The following GALNT17 variants were observed in gnomAD, a reference collection of about 807,000 sequenced individuals.
GALNT17 encodes the protein UDP-GalNAc:polypeptide N-acetylgalactosaminyltransferase-like 3.
GALNT17 carries 29 observed loss-of-function variants against 63.7 expected under a neutral mutation model. That is an observed-to-expected ratio of 0.46 (90% confidence interval 0.34 to 0.62). GALNT17 has a LOEUF of 0.62. GALNT17 is among the 20% of genes least tolerant of loss of function. The pLI is 0.01. For missense variants in GALNT17, 603 were observed against 799.6 expected (o/e 0.75, Z 2.97); for synonymous variants, 305 against 318.3 (o/e 0.96, Z 0.45).
At chr7:71,235,003 C>T (rs1789860623) in intron 1 of GALNT17, among the ~76,000 whole-genome samples, 1 of 152,100 alleles carries the variant, frequency 6.6e-6, no homozygotes, top group African/African-American at 2.4e-5. Flanking sequence ...GTAATCCTAG[C>T]ACTTTGGGAG....
At chr7:71,224,841 T>C (rs961366238) in intron 1 of GALNT17, among the ~76,000 whole-genome samples, 4 of 152,186 alleles carry the variant, frequency 2.6e-5, no homozygotes, top group African/African-American at 9.7e-5. Flanking sequence ...GGGGTTTTGT[T>C]TGAGTTTCTG....
chr7:71,139,946 A>G (rs1452734528), intron 1 of GALNT17, among the ~76,000 whole-genome samples: 2 of 152,190 alleles, frequency 1.3e-5, no homozygotes, highest in African/African-American at 4.8e-5. Context: ...GTGAGCAGAG[A>G]TCGCGCCCCT....
At chr7:71,508,234 A>G (rs1234961569) in intron 5 of GALNT17, among the ~76,000 whole-genome samples, 1 of 152,122 alleles carries the variant, frequency 6.6e-6, no homozygotes, top group Non-Finnish European at 1.5e-5. Flanking sequence ...AATAAACGCA[A>G]CCTCCACCGT....
At chr7:71,666,378 AT>A (rs960955582) in intron 7 of GALNT17, among the ~76,000 whole-genome samples, 7 of 149,130 alleles carry the variant, frequency 4.7e-5, no homozygotes, top group Non-Finnish European at 5.9e-5. Flanking sequence ...ATTTATATAA[AT>A]TTTTTTATGG....
Position 71,712,069 on chromosome 7 carries a change from C to T in GALNT17, c.1720C>T (p.Arg574Trp), listed in dbSNP as rs146926716. The T allele has an allele frequency of 5.5e-5, 89 of 1,613,960 alleles. No individual in the cohort carries two copies. The highest frequency in any genetic ancestry group is 6.2e-5 in the Non-Finnish European group (73 of 1,180,002). ...GTGRCLEVEN[R>W]GLAGIDLILR... ...GGGACGCTGCCTGGAGGTGGAGAAC[C>T]GGGGCCTGGCTGGCATCGACCTCAT... The change falls in exon 11 of 11, where the codon CGG becomes TGG. Residue 574 changes from arginine (R) to tryptophan (W), a missense_variant. Arg to Trp is a moderately radical substitution (Grantham distance 101). Transcript: ENST00000333538.
At chr7:71,154,990 T>C (rs1283195302) in intron 1 of GALNT17, among the ~76,000 whole-genome samples, 1 of 151,920 alleles carries the variant, frequency 6.6e-6, no homozygotes, top group Non-Finnish European at 1.5e-5. Flanking sequence ...TTATATGCCA[T>C]GGGTAGACTG....
intron 2 of GALNT17, among the ~76,000 whole-genome samples, chr7:71,352,771 G>A (rs1456729600): frequency 6.6e-6 from 1 of 152,102 alleles, no homozygotes; most frequent in Non-Finnish European, 1.5e-5. Context: ...GTAGAGGAGA[G>A]AAATTCAGCA....
At chr7:71,641,091 G>C (rs10245252) in intron 6 of GALNT17, among the ~76,000 whole-genome samples, 111,623 of 152,080 alleles carry the variant, frequency 0.73, 41,098 homozygotes, top group Middle Eastern at 0.85. Context: ...TGGGATGCAA[G>C]CAGCCCAGAC....
chr7:71,569,757 T>C (rs200449196), intron 5 of GALNT17, among the ~76,000 whole-genome samples: 2 of 124,602 alleles, frequency 1.6e-5, no homozygotes, highest in East Asian at 8.1e-4. Flanking sequence ...ATGCACCACA[T>C]TTTTTTTTAA....
intron 1 of GALNT17, among the ~76,000 whole-genome samples, chr7:71,214,028 C>G (rs529733931): frequency 1.3e-5 from 2 of 152,294 alleles, no homozygotes; most frequent in South Asian, 4.1e-4. Flanking sequence ...CTTAATAGTT[C>G]TGTCTTTGAT....
At chr7:71,147,459 G>A (rs1445186464) in intron 1 of GALNT17, among the ~76,000 whole-genome samples, 1 of 152,048 alleles carries the variant, frequency 6.6e-6, no homozygotes, top group African/African-American at 2.4e-5. Context: ...TCCAAATTAA[G>A]GGTGGATCTG....
At chr7:71,325,585 C>G (rs559753417) in intron 1 of GALNT17, among the ~76,000 whole-genome samples, 1 of 152,278 alleles carries the variant, frequency 6.6e-6, no homozygotes, top group East Asian at 1.9e-4. Context: ...AAAATCATGT[C>G]CTCATTTGTA....
At chr7:71,241,257 G>A (rs1031921777) in intron 1 of GALNT17, among the ~76,000 whole-genome samples, 3 of 152,166 alleles carry the variant, frequency 2.0e-5, no homozygotes, top group Non-Finnish European at 4.4e-5. Context: ...GGGCCCTGAT[G>A]GTAGAGTTGT....
chr7:71,479,679 T>G (rs575179729), intron 5 of GALNT17, among the ~76,000 whole-genome samples: 2 of 152,174 alleles, frequency 1.3e-5, no homozygotes, highest in Non-Finnish European at 2.9e-5. Flanking sequence ...TCTAACATTA[T>G]GTTTGCAAAG....
intron 1 of GALNT17, among the ~76,000 whole-genome samples, chr7:71,259,069 C>G (rs1459028725): frequency 6.6e-6 from 1 of 152,134 alleles, no homozygotes; most frequent in Non-Finnish European, 1.5e-5. Flanking sequence ...GACCCCAAGC[C>G]TGGCACACCG....
chr7:71,540,775 A>T (rs1386930084), intron 5 of GALNT17, among the ~76,000 whole-genome samples: 1 of 152,194 alleles, frequency 6.6e-6, no homozygotes, highest in East Asian at 1.9e-4. Context: ...CCAGAGCAGG[A>T]GATTCAAACT....
chr7:71,342,536 GAAA>G (rs1311142100), intron 2 of GALNT17, among the ~76,000 whole-genome samples: 1 of 151,496 alleles, frequency 6.6e-6, no homozygotes, highest in Non-Finnish European at 1.5e-5. Flanking sequence ...AATTAATACA[GAAA>G]AAAAACAAAA....
At chr7:71,435,344 A>T (rs190460974) in intron 5 of GALNT17, among the ~76,000 whole-genome samples, 209 of 152,296 alleles carry the variant, frequency 1.4e-3, no homozygotes, top group African/African-American at 4.5e-3. Context: ...CTTAGTTTAT[A>T]GTTTAAAACA....
chr7:71,601,116 A>G (rs1440982552), intron 6 of GALNT17, among the ~76,000 whole-genome samples: 1 of 151,982 alleles, frequency 6.6e-6, no homozygotes, highest in Non-Finnish European at 1.5e-5. Flanking sequence ...GCTGCGTAGT[A>G]TTCCATCATA....
Sources: gnomAD v4.1 joint callset for allele counts (sites outside exome capture counted in the v4.1 genomes callset) on GRCh38, gnomAD v4.1.1 for gene constraint, MANE v1.5 for transcripts, NCBI Gene and HGNC (gene_info 2026-07-23, HGNC 2026-07-21) for gene names.